The following GNB4 variants were observed in gnomAD, a reference collection of about 807,000 sequenced individuals.
The protein encoded by GNB4 is guanine nucleotide-binding protein subunit beta-4.
In GNB4, 28 loss-of-function variants were observed where a neutral mutation model predicts 45.2. The ratio of observed to expected loss-of-function variants is 0.62; its 90% CI spans 0.46 to 0.85. The LOEUF is 0.85. Among genes scored for constraint, GNB4 ranks in the 40% least tolerant of loss-of-function variants. The pLI is 0.00. For synonymous variants in GNB4, 132 were observed against 143.7 expected (o/e 0.92, Z 0.58); for missense variants, 321 against 425.4 (o/e 0.75, Z 2.16).
intron 1 of GNB4, among the ~76,000 whole-genome samples, chr3:179,431,648 C>G (rs575465361): frequency 2.8e-4 from 43 of 151,884 alleles, no homozygotes; most frequent in African/African-American, 6.8e-4. Context: ...TGTTTATCTT[C>G]TATACTGATT....
chr3:179,523,003 T>A, the GNB4 span, among the ~76,000 whole-genome samples: 1 of 149,048 alleles, frequency 6.7e-6, no homozygotes, highest in South Asian at 2.1e-4. Context: ...GAAAGAGGAG[T>A]GGTGAAAGGA....
At chr3:179,467,598 A>G in the GNB4 span, among the ~76,000 whole-genome samples, 1 of 152,166 alleles carries the variant, frequency 6.6e-6, no homozygotes, top group South Asian at 2.1e-4. Context: ...GAGCAAATAT[A>G]GTAACTCTAA....
At chr3:179,447,047 A>G (rs1209862908) in intron 1 of GNB4, among the ~76,000 whole-genome samples, 4 of 152,316 alleles carry the variant, frequency 2.6e-5, no homozygotes, top group Admixed American at 6.5e-5. Context: ...TTAAGTACAG[A>G]TAAGTCGTAT....
chr3:179,416,094 A>T (rs542747576), intron 5 of GNB4, among the ~76,000 whole-genome samples: 3 of 152,286 alleles, frequency 2.0e-5, no homozygotes, highest in Admixed American at 6.5e-5. Context: ...ATCTTCTAAA[A>T]AGTCCAGAAG....
intron 9 of GNB4, among the ~76,000 whole-genome samples, chr3:179,402,456 T>C (rs1269734946): frequency 2.0e-5 from 3 of 152,210 alleles, no homozygotes; most frequent in Admixed American, 2.0e-4. Context: ...ACTTGCAAAG[T>C]GTAAAACTGC....
Position 179,413,571 on chromosome 3 carries a change from G to C in GNB4, c.540C>G (p.Phe180Leu), listed in dbSNP as rs759431955. 5 of 1,614,162 alleles carry C rather than the reference G, an allele frequency of 3.1e-6. No homozygotes were observed. Among genetic ancestry groups the C allele is most frequent in the Non-Finnish European group, 4.2e-6 (5 of 1,180,020 alleles). The change falls in exon 8 of 10, where the codon TTC becomes TTG. Residue 180 changes from phenylalanine (F) to leucine (L), a missense_variant. By Grantham distance (22) the Phe-to-Leu change is conservative. Transcript: ENST00000232564. The part of the protein sequence containing the change: ...DIETAQQTTT[F>L]TGHSGDVMSL... Reference sequence around the variant, plus strand: ...TCATCACATCTCCAGAATGCCCAGTGAATGTGGTGGTCTGCTGGGCAGTTT... The same window carrying C: ...TCATCACATCTCCAGAATGCCCAGTCAATGTGGTGGTCTGCTGGGCAGTTT...
the GNB4 span, among the ~76,000 whole-genome samples, chr3:179,499,216 G>A: frequency 6.8e-6 from 1 of 146,788 alleles, no homozygotes; most frequent in Non-Finnish European, 1.5e-5. Context: ...AGAGTGCAGT[G>A]GCGCGATCTC....
the GNB4 span, among the ~76,000 whole-genome samples, chr3:179,524,929 A>G: frequency 6.6e-6 from 1 of 152,134 alleles, no homozygotes; most frequent in African/African-American, 2.4e-5. Flanking sequence ...AGGGGACAGA[A>G]GGATTATAGG....
At chr3:179,457,298 A>T in the GNB4 span, among the ~76,000 whole-genome samples, 1 of 152,236 alleles carries the variant, frequency 6.6e-6, no homozygotes, top group African/African-American at 2.4e-5. Flanking sequence ...ATTCTAAGAA[A>T]GTCAAGTGAA....
Position 179,422,102 on chromosome 3 carries a change from G to A in GNB4, c.58-1175C>T, listed in dbSNP as rs1330740425. 3.9e-5 allele frequency among the ~76,000 whole-genome samples: 6 copies of A among 152,110 alleles called. No homozygotes were observed. In the South Asian group the frequency reaches 6.2e-4, roughly 16 times the overall value. On this transcript the variant is annotated intron_variant, in intron 2 of 9. Coordinates refer to ENST00000232564, the MANE Select transcript of GNB4 (RefSeq NM_021629.4). ...GGCACTATTCTAGGCACCAATAGGC[G>A]TCAAAAATCTCTGCCCTCATTGAGC...
the GNB4 span, among the ~76,000 whole-genome samples, chr3:179,500,131 G>A: frequency 1.3e-5 from 2 of 152,228 alleles, no homozygotes; most frequent in Middle Eastern, 6.8e-3. Flanking sequence ...CATTGCTTTT[G>A]GTGTTTTAGT....
rs1164930213 is a variant in GNB4 at position 179,422,463 on chromosome 3, G to GA, written c.58-1537dup. ...GCAAAACAGTGAGACCCTGTCTCTG[G>GA]AAAAAAAAAAAGCAAAACAAAACAA... On this transcript the variant is annotated intron_variant, in intron 2 of 9. Transcript: ENST00000232564. 3.7e-3 allele frequency among the ~76,000 whole-genome samples: 486 copies of GA among 130,258 alleles called. 4 individuals are homozygous for GA. The highest frequency in any genetic ancestry group is 0.012 in the African/African-American group (427 of 34,704). 85.5% of individuals were successfully genotyped at this position (130,258 alleles called of 152,430 possible).
intron 8 of GNB4, among the ~76,000 whole-genome samples, chr3:179,407,797 G>A (rs13074663): frequency 0.19 from 29,406 of 152,018 alleles, 3,300 homozygotes; most frequent in Admixed American, 0.25. Context: ...AAGATTACAG[G>A]AAACAAACCC....
At chr3:179,417,927 T>C (rs1291240072) in intron 4 of GNB4, among the ~76,000 whole-genome samples, 1 of 152,004 alleles carries the variant, frequency 6.6e-6, no homozygotes, top group Non-Finnish European at 1.5e-5. Flanking sequence ...AGAAATCAAT[T>C]GGCATCATCA....
the GNB4 span, among the ~76,000 whole-genome samples, chr3:179,502,382 C>A: frequency 6.6e-6 from 1 of 151,534 alleles, no homozygotes; most frequent in Non-Finnish European, 1.5e-5. Flanking sequence ...TACAGGCACC[C>A]GCCACCATGC....
chr3:179,454,732 C>T (rs1253039960), upstream of GNB4, among the ~76,000 whole-genome samples: 2 of 152,110 alleles, frequency 1.3e-5, no homozygotes, highest in Admixed American at 6.5e-5. Context: ...ATTTCAGTAC[C>T]GCCCTGTATG....
At chr3:179,416,056 AAGTTGTCATTTACCT>A (rs2108592410) in intron 5 of GNB4, among the ~76,000 whole-genome samples, 1 of 152,224 alleles carries the variant, frequency 6.6e-6, no homozygotes, top group African/African-American at 2.4e-5. Context: ...AGATCTACGT[AAGTTGTCATTTACCT>A]CCAATCTACT....
chr3:179,424,662 T>C (rs4441653), intron 2 of GNB4, among the ~76,000 whole-genome samples: 1 of 152,176 alleles, frequency 6.6e-6, no homozygotes. Flanking sequence ...TAGAATGCAG[T>C]GGTGTGATCA....
intron 4 of GNB4, among the ~76,000 whole-genome samples, chr3:179,419,116 C>T (rs544718404): frequency 4.2e-4 from 64 of 152,318 alleles, no homozygotes; most frequent in African/African-American, 1.4e-3. Flanking sequence ...ACAGTAAAAA[C>T]GCTTTGTGCC....
Sources: allele counts gnomAD v4.1 joint callset (sites outside exome capture counted in the v4.1 genomes callset), GRCh38; gene constraint gnomAD v4.1.1; transcripts MANE v1.5; gene names NCBI Gene and HGNC (gene_info 2026-07-23, HGNC 2026-07-21).